The following UNKL variants were observed in gnomAD, a reference collection of about 807,000 sequenced individuals.
UNKL encodes unk like zinc finger.
A neutral mutation model predicts 78.0 loss-of-function variants in UNKL; 60 were observed. That is an observed-to-expected ratio of 0.77 (90% CI 0.63 to 0.95). The LOEUF is 0.95. UNKL is among the 40% of genes least tolerant of loss of function. UNKL has a pLI of 0.00. For synonymous variants in UNKL, 608 were observed against 474.8 expected (o/e 1.28, Z -3.65); for missense variants, 1,159 against 1,045.7 (o/e 1.11, Z -1.49).
intron 2 of UNKL, among the ~76,000 whole-genome samples, chr16:1,406,346 G>A (rs913157100): frequency 6.6e-6 from 1 of 151,960 alleles, no homozygotes; most frequent in Non-Finnish European, 1.5e-5. Context: ...CCGAGTAACT[G>A]GGATTACAGG....
intron 2 of UNKL, among the ~76,000 whole-genome samples, chr16:1,409,886 G>A (rs949368873): frequency 4.6e-5 from 7 of 152,016 alleles, no homozygotes; most frequent in South Asian, 2.1e-4. Flanking sequence ...TTCAAGACCA[G>A]CCTGGCCAAC....
intron 6 of UNKL, chr16:1,395,841 C>T (rs752969483): frequency 5.0e-5 from 22 of 436,600 alleles, no homozygotes; most frequent in Middle Eastern, 3.3e-4. Context: ...GTGTGGTCAC[C>T]GACACCCAGA....
At chr16:1,404,301 C>T (rs1368797228) in intron 2 of UNKL, among the ~76,000 whole-genome samples, 1 of 152,208 alleles carries the variant, frequency 6.6e-6, no homozygotes, top group East Asian at 1.9e-4. Flanking sequence ...TCCGTGAGGG[C>T]CCCGCCCACC....
chr16:1,394,900 G>A (rs977897031), intron 6 of UNKL, among the ~76,000 whole-genome samples: 1 of 152,132 alleles, frequency 6.6e-6, no homozygotes, highest in Non-Finnish European at 1.5e-5. Context: ...TTTTTTGAGA[G>A]AGAGTCTCGC....
At chr16:1,398,479 G>A (rs1402557149) in intron 5 of UNKL, 4 of 1,208,548 alleles carry the variant, frequency 3.3e-6, no homozygotes, top group East Asian at 5.3e-5. Context: ...TGCTCAGAGG[G>A]AGACTGAACG....
chr16:1,376,377 C>CCTCCAGGGCTGGGGCA (rs1386340195), intron 10 of UNKL, among the ~76,000 whole-genome samples: 7 of 148,702 alleles, frequency 4.7e-5, no homozygotes, highest in African/African-American at 1.7e-4. Flanking sequence ...TTCCCTCCTC[C>CCTCCAGGGCTGGGGCA]CTCCAGGGCT....
chr16:1,411,332 C>T (rs1475135079), intron 2 of UNKL, among the ~76,000 whole-genome samples: 3 of 151,976 alleles, frequency 2.0e-5, no homozygotes, highest in Non-Finnish European at 4.4e-5. Flanking sequence ...GCCTGGGCAA[C>T]CAGAGTGAGA....
At chr16:1,404,435 A>G (rs2037660996) in intron 2 of UNKL, among the ~76,000 whole-genome samples, 1 of 152,142 alleles carries the variant, frequency 6.6e-6, no homozygotes, top group Admixed American at 6.5e-5. Context: ...AGAGACACAG[A>G]GTTCAGAGAG....
intron 8 of UNKL, 98 bp downstream of exon 8, chr16:1,392,793 A>G: frequency 1.4e-6 from 2 of 1,405,714 alleles, no homozygotes; most frequent in South Asian, 2.5e-5. Context: ...CAGACTGCCC[A>G]CGACCACATT....
At chr16:1,402,947 G>A (rs919939557) in intron 3 of UNKL, among the ~76,000 whole-genome samples, 2 of 150,088 alleles carry the variant, frequency 1.3e-5, no homozygotes, top group African/African-American at 2.5e-5. Flanking sequence ...AGCTGAGATC[G>A]CGCCGCTGCA....
At chr16:1,381,511 TC>T (rs2142070264) in intron 10 of UNKL, among the ~76,000 whole-genome samples, 1 of 152,162 alleles carries the variant, frequency 6.6e-6, no homozygotes, top group East Asian at 1.9e-4. Context: ...TCCCAGCTAC[TC>T]CGGAGGCTGA....
At chr16:1,405,932 C>T (rs760516904) in intron 2 of UNKL, 23 of 456,624 alleles carry the variant, frequency 5.0e-5, no homozygotes, top group South Asian at 3.6e-4. Flanking sequence ...TCCACCAGAC[C>T]CCCTTAACAC....
intron 10 of UNKL, chr16:1,379,575 C>G: frequency 1.2e-5 from 12 of 985,324 alleles, no homozygotes; most frequent in Non-Finnish European, 1.4e-5. Context: ...TCCTGACCGC[C>G]GAGTAACGAG....
intron 10 of UNKL, chr16:1,379,310 CCCGCTCCGCT>C (rs1370422496): frequency 7.8e-6 from 2 of 256,500 alleles, no homozygotes; most frequent in African/African-American, 4.6e-5. Context: ...CCTCTCCTGC[CCCGCTCCGCT>C]CCGCTCTCCT....
In UNKL at chr16:1,379,749, T is replaced by C. The variant is rs1000697023; in HGVS notation, c.1264+5459A>G. 2.2e-5 allele frequency: 20 copies of C among 902,570 alleles called. No homozygotes were observed. The African/African-American group carries it at 3.3e-4, about 15-fold the overall frequency. The allele number at this position is 902,570 out of a possible 1,614,324, so 55.9% of individuals were successfully genotyped here. A position where few individuals can be genotyped will look rare whatever the true frequency, so the allele number is the denominator to read the frequency against. On this transcript the variant is annotated intron_variant, in intron 10 of 14. Transcript: ENST00000389221. ...GCAACGTGACTCGGCCCCGCCCCCG[T>C]CGCACTGGCCACGCCCCCCGCGCTG...
Position 1,366,327 on chromosome 16 carries a change from C to A in UNKL, c.2115G>T (p.Arg705=). 1.2e-6 allele frequency: 2 copies of A among 1,603,864 alleles called. No homozygotes were observed. The highest frequency in any genetic ancestry group is 1.7e-6 in the Non-Finnish European group (2 of 1,176,484). The change falls in exon 15 of 15, where the codon CGG becomes CGT. Residue 705 remains arginine, a synonymous_variant. Transcript: ENST00000389221. The stretch of plus-strand genomic sequence containing the variant: ...CACAGAGGATGTGGTGCTGACAGGG[C>A]CGCAGGACAGCACCGTGGGCCCGCT... ...CRERAHGAVL[R]PCQHHILCEP...
intron 10 of UNKL, chr16:1,379,423 G>A: frequency 1.0e-6 from 1 of 957,546 alleles, no homozygotes; most frequent in Non-Finnish European, 1.2e-6. Context: ...GCGAGCGCCC[G>A]GCAGAGGCAG....
intron 9 of UNKL, 127 bp downstream of exon 9, chr16:1,390,505 G>A: frequency 2.1e-6 from 2 of 969,762 alleles, no homozygotes; most frequent in Non-Finnish European, 3.0e-6. Context: ...TGCGAGCCGA[G>A]AGTGGGCGGG....
chr16:1,403,940 C>T lies in UNKL; in HGVS notation c.288-596G>A, dbSNP rs2037639826. Among the ~76,000 whole-genome samples, 1 of 152,142 alleles carries T rather than the reference C, an allele frequency of 6.6e-6. No individual in the cohort carries two copies. The highest frequency in any genetic ancestry group is 2.1e-4 in the South Asian group (1 of 4,838). ...GCATCACCATCCCATGGGCCACCTG[C>T]AGGCCCAGAGCCATGCTCCTGGGGA... On this transcript the variant is annotated intron_variant, in intron 2 of 14. Coordinates refer to ENST00000389221, the MANE Select transcript of UNKL (RefSeq NM_001372107.1). This position sits in a 1 kb window ranked among gnomAD's most constrained non-coding sequence, Gnocchi z 4.8.
Sources: gnomAD v4.1 joint callset for allele counts (sites outside exome capture counted in the v4.1 genomes callset) on GRCh38, gnomAD v4.1.1 for gene constraint, Gnocchi (gnomAD v3.1) non-coding constraint, MANE v1.5 for transcripts, NCBI Gene and HGNC (gene_info 2026-07-23, HGNC 2026-07-21) for gene names.